DYRK1A: variants seen among roughly 807,000 people sequenced by gnomAD.
DYRK1A encodes the protein dual specificity tyrosine phosphorylation regulated kinase 1A.
Under a neutral mutation model 79.7 loss-of-function variants are expected in DYRK1A, and 9 were observed. That is an observed-to-expected ratio of 0.11 (90% confidence interval 0.07 to 0.20). DYRK1A has a LOEUF of 0.20. DYRK1A is among the 10% of genes least tolerant of loss of function. DYRK1A has a pLI of 1.00. For synonymous variants in DYRK1A, 349 were observed against 329.7 expected (o/e 1.06, Z -0.63); for missense variants, 622 against 956.0 (o/e 0.65, Z 4.61).
At chr21:37,392,626 CTT>C (rs1248447639) in intron 1 of DYRK1A, among the ~76,000 whole-genome samples, 1 of 152,168 alleles carries the variant, frequency 6.6e-6, no homozygotes, top group African/African-American at 2.4e-5. Flanking sequence ...CCTTTAACCT[CTT>C]TTACAAGGAC....
intron 2 of DYRK1A, among the ~76,000 whole-genome samples, chr21:37,433,107 C>A (rs939897957): frequency 6.7e-6 from 1 of 149,248 alleles, no homozygotes; most frequent in Non-Finnish European, 1.5e-5. Flanking sequence ...TATTTTAAAA[C>A]ATGTTTAATG....
chr21:37,457,480 G>A (rs576692399), intron 2 of DYRK1A, among the ~76,000 whole-genome samples: 1 of 152,124 alleles, frequency 6.6e-6, no homozygotes, highest in South Asian at 2.1e-4. Flanking sequence ...CAAGTGATCC[G>A]CCTGCCTCAG....
At chr21:37,377,262 G>T (rs1225895670) in intron 1 of DYRK1A, among the ~76,000 whole-genome samples, 3 of 152,094 alleles carry the variant, frequency 2.0e-5, no homozygotes, top group African/African-American at 7.2e-5. Flanking sequence ...TGGGACTACA[G>T]GCCCCTGCCA....
At chr21:37,467,848 A>G (rs1040093453) in intron 2 of DYRK1A, among the ~76,000 whole-genome samples, 1 of 152,158 alleles carries the variant, frequency 6.6e-6, no homozygotes, top group Non-Finnish European at 1.5e-5. Flanking sequence ...TCATCACTGT[A>G]CTAAAGGTCC....
intron 1 of DYRK1A, among the ~76,000 whole-genome samples, chr21:37,372,912 A>G (rs2049461089): frequency 6.6e-6 from 1 of 152,182 alleles, no homozygotes; most frequent in Non-Finnish European, 1.5e-5. Flanking sequence ...CCTTACTGCA[A>G]ATATGATTAT....
intron 2 of DYRK1A, among the ~76,000 whole-genome samples, chr21:37,432,573 A>T (rs995755626): frequency 1.4e-4 from 22 of 152,188 alleles, no homozygotes; most frequent in African/African-American, 5.1e-4. Context: ...AATTTTATCC[A>T]CTTGATATTT....
Position 37,514,366 on chromosome 21 carries a change from GA to G in DYRK1A, c.*1837del, listed in dbSNP as rs2053841378. On this transcript the variant is annotated 3_prime_UTR_variant, in exon 12 of 12. Coordinates refer to ENST00000647188, the MANE Select transcript of DYRK1A (RefSeq NM_001347721.2). ...TGGGGTGTGACACTTTTGAGCGGTTGAATTGGGAGAATGAAGATAAGTAATT... is the reference window on the plus strand; with the variant it reads ...TGGGGTGTGACACTTTTGAGCGGTTGATTGGGAGAATGAAGATAAGTAATT... 1 of 152,624 alleles carries G rather than the reference GA, an allele frequency of 6.6e-6. No homozygotes were observed. The highest frequency in any genetic ancestry group is 6.5e-5 in the Admixed American group (1 of 15,280). 9.5% of individuals were successfully genotyped at this position (152,624 alleles called of 1,614,324 possible). A position where few individuals can be genotyped will look rare whatever the true frequency, so the allele number is the denominator to read the frequency against.
At chr21:37,382,413 G>A (rs1278482401) in intron 1 of DYRK1A, among the ~76,000 whole-genome samples, 1 of 151,910 alleles carries the variant, frequency 6.6e-6, no homozygotes, top group Non-Finnish European at 1.5e-5. Flanking sequence ...GGAAAACCTG[G>A]CTTGTGGATT....
In DYRK1A at chr21:37,514,494, T is replaced by C. The variant is rs2053844927; in HGVS notation, c.*1963T>C. ...AGCAGAACACCGCGTTTCATTCTAT[T>C]GGTCAATTCCATGTGGCTGACTAGG... On this transcript the variant is annotated 3_prime_UTR_variant, in exon 12 of 12. Coordinates refer to ENST00000647188, the MANE Select transcript of DYRK1A (RefSeq NM_001347721.2). 6.5e-6 allele frequency: 1 copy of C among 152,684 alleles called. No homozygotes were observed. Among genetic ancestry groups the C allele is most frequent in the African/African-American group, 2.4e-5 (1 of 41,464 alleles). 9.5% of individuals were successfully genotyped at this position (152,684 alleles called of 1,614,324 possible).
At chr21:37,437,068 A>G (rs2050945916) in intron 2 of DYRK1A, among the ~76,000 whole-genome samples, 1 of 152,204 alleles carries the variant, frequency 6.6e-6, no homozygotes, top group Non-Finnish European at 1.5e-5. Context: ...GGAAGATGCT[A>G]TACCAGTTGA....
intron 1 of DYRK1A, among the ~76,000 whole-genome samples, chr21:37,377,857 T>A (rs914241066): frequency 6.6e-6 from 1 of 152,226 alleles, no homozygotes; most frequent in Non-Finnish European, 1.5e-5. Flanking sequence ...TTTGCTCTTT[T>A]AAACAATGCT....
chr21:37,367,318 G>T lies in DYRK1A; in HGVS notation c.-387G>T, dbSNP rs1460143446. The T allele has an allele frequency of 1.4e-5, 2 of 146,896 alleles. No homozygotes were observed. The highest frequency in any genetic ancestry group is 4.1e-4 in the East Asian group (2 of 4,858). The allele number at this position is 146,896 out of a possible 1,614,324, so 9.1% of individuals were successfully genotyped here. On this transcript the variant is annotated 5_prime_UTR_variant, in exon 1 of 12. Coordinates refer to ENST00000647188, the MANE Select transcript of DYRK1A (RefSeq NM_001347721.2). ...AAGCCGCCGGCAGCAGCCGCCGCTCGGCGCCCGGCCTCGCCGACGCCGCCC... is the reference window on the plus strand; with the variant it reads ...AAGCCGCCGGCAGCAGCCGCCGCTCTGCGCCCGGCCTCGCCGACGCCGCCC...
intron 1 of DYRK1A, among the ~76,000 whole-genome samples, chr21:37,378,054 A>T (rs564029192): frequency 6.6e-6 from 1 of 152,344 alleles, no homozygotes; most frequent in South Asian, 2.1e-4. Context: ...TAGTTTCTCA[A>T]ATCTCACCAA....
chr21:37,463,771 A>G (rs887396269), intron 2 of DYRK1A, among the ~76,000 whole-genome samples: 84 of 152,112 alleles, frequency 5.5e-4, no homozygotes, highest in African/African-American at 1.7e-3. Context: ...TAGAGGTGCA[A>G]TTCATTTTGG....
Position 37,515,935 on chromosome 21 carries a change from CT to C in DYRK1A, c.*3405del. 1 of 152,152 alleles carries C rather than the reference CT, an allele frequency of 6.6e-6. No individual in the cohort carries two copies. Among genetic ancestry groups the C allele is most frequent in the Non-Finnish European group, 1.5e-5 (1 of 68,030 alleles). 9.4% of individuals were successfully genotyped at this position (152,152 alleles called of 1,614,324 possible). A position where few individuals can be genotyped will look rare whatever the true frequency, so the allele number is the denominator to read the frequency against. On this transcript the variant is annotated 3_prime_UTR_variant, in exon 12 of 12. Coordinates refer to ENST00000647188, the MANE Select transcript of DYRK1A (RefSeq NM_001347721.2). ...AGTGACCATTGAGTTTGCCCCTGTA[CT>C]GCTTCCCAGCTTTTGTGGTGTTGAA... is the stretch of plus-strand genomic sequence containing the variant.
chr21:37,493,555 G>T (rs1018447476), intron 8 of DYRK1A, among the ~76,000 whole-genome samples: 4 of 152,178 alleles, frequency 2.6e-5, no homozygotes, highest in African/African-American at 9.7e-5. Flanking sequence ...AGGACTGATG[G>T]ATACTCAGTC....
chr21:37,493,903 T>G (rs2053175014), intron 8 of DYRK1A, among the ~76,000 whole-genome samples: 2 of 151,890 alleles, frequency 1.3e-5, no homozygotes, highest in East Asian at 3.9e-4. Context: ...TGTCAGAAAC[T>G]TGTTTCTTCC....
At chr21:37,381,054 C>T (rs2049647711) in intron 1 of DYRK1A, among the ~76,000 whole-genome samples, 2 of 152,132 alleles carry the variant, frequency 1.3e-5, no homozygotes, top group Admixed American at 6.5e-5. Flanking sequence ...GATTAATGCC[C>T]TCCAGAGATG....
At position 37,483,136 on chromosome 21, in the gene DYRK1A, T is replaced by A. The variant is rs552712763; in HGVS notation, c.489+2310T>A. On this transcript the variant is annotated intron_variant, in intron 5 of 11. Coordinates refer to ENST00000647188, the MANE Select transcript of DYRK1A (RefSeq NM_001347721.2). ...CATAGGAAATCACAAGGGTATTGAT[T>A]GGGGAAGTGATAAGTGTCCATGAAA... 3.1e-3 allele frequency among the ~76,000 whole-genome samples: 467 copies of A among 152,312 alleles called. 1 individual carries two copies. The highest frequency in any genetic ancestry group is 0.011 in the African/African-American group (441 of 41,570).
Sources: gnomAD v4.1 joint callset for allele counts (sites outside exome capture counted in the v4.1 genomes callset) on GRCh38, gnomAD v4.1.1 for gene constraint, MANE v1.5 for transcripts, NCBI Gene and HGNC (gene_info 2026-07-23, HGNC 2026-07-21) for gene names.